The following MYCBPAP variants were observed in gnomAD, a reference collection of about 807,000 sequenced individuals.
The protein encoded by MYCBPAP is MYCBP-associated protein.
MYCBPAP carries 60 observed loss-of-function variants against 106.1 expected under a neutral mutation model. That is an observed-to-expected ratio of 0.57 (90% confidence interval 0.46 to 0.70). The LOEUF is 0.70. Among genes scored for constraint, MYCBPAP ranks in the 30% least tolerant of loss-of-function variants. The pLI is 0.00. For missense variants in MYCBPAP, 1,064 were observed against 1,169.3 expected, an observed-to-expected ratio of 0.91 and a Z score of 1.31; for synonymous variants, 407 against 440.6, an observed-to-expected ratio of 0.92 and a Z score of 0.95.
At chr17:50,517,849 T>C (rs2143932904) in intron 4 of MYCBPAP, 151 bp downstream of exon 4, 1 of 658,208 alleles carries the variant, frequency 1.5e-6, no homozygotes, top group East Asian at 2.7e-5. Flanking sequence ...CCCAGAATAG[T>C]TGGACACTTC....
chr17:50,527,329 T>C lies in MYCBPAP; in HGVS notation c.2212T>C (p.Leu738=), dbSNP rs771926159. 1 of 1,614,032 alleles carries C rather than the reference T, an allele frequency of 6.2e-7. No individual in the cohort carries two copies. Among genetic ancestry groups the C allele is most frequent in the Non-Finnish European group, 8.5e-7 (1 of 1,179,966 alleles). Residue 738 remains leucine (L), a synonymous_variant, in exon 15 of 19, where the codon TTG becomes CTG. Coordinates refer to ENST00000323776, the MANE Select transcript of MYCBPAP (RefSeq NM_032133.6). ...TGATGAGAACCACAGAGAGGATGCG[T>C]TGATGAGGCTCAACAAAGCAGCCCT... The part of the protein sequence containing the change: ...LPDENHREDA[L]MRLNKAALEL...
chr17:50,523,183 C>T lies in MYCBPAP; in HGVS notation c.1447+55C>T, dbSNP rs556795277. 6.5e-4 allele frequency: 1,005 copies of T among 1,554,214 alleles called. 16 individuals are homozygous for T. In the South Asian group the frequency reaches 0.011, roughly 17 times the overall value. On this transcript the variant is annotated intron_variant, in intron 11 of 18. Transcript: ENST00000323776. ...GCTCCTGTCTGGGGCTGGTTTTGTC[C>T]TCCGTGAGACATCAAAGTTTAGTTA...
rs983840346 is a variant in MYCBPAP, at chr17:50,528,238, A to G, written c.2375A>G (p.Glu792Gly). 13 of 1,613,912 alleles carry G rather than the reference A, an allele frequency of 8.1e-6. No homozygotes were observed. The highest frequency in any genetic ancestry group is 1.0e-5 in the Non-Finnish European group (12 of 1,179,996). The change falls in exon 16 of 19, where the codon GAG becomes GGG. Residue 792 changes from glutamate to glycine, a missense_variant. By Grantham distance (98) the Glu-to-Gly change is moderately conservative. Transcript: ENST00000323776. The part of the protein sequence containing the change: ...LRSVLGLPEK[E>G]TIYLNVPEEQ... Reference sequence around the variant, plus strand: ...TCTGTGCTGGGCCTGCCTGAGAAGGAGACCATCTATTTGAATGTGCCTGAA... The same window carrying G: ...TCTGTGCTGGGCCTGCCTGAGAAGGGGACCATCTATTTGAATGTGCCTGAA...
At position 50,519,702 on chromosome 17, in the gene MYCBPAP, G is replaced by A; in HGVS notation, c.831G>A (p.Leu277=). ...LEYLGDEMTG[L]VMTKTKTQRG... is the part of the protein sequence containing the mutation. ...ACTTGGGAGATGAGATGACAGGTCT[G>A]GTCATGACCAAGACAAAAACTCAGC... is the stretch of plus-strand genomic sequence containing the variant. The change falls in exon 7 of 19, where the codon CTG becomes CTA. Residue 277 remains leucine, a synonymous_variant. Transcript: ENST00000323776. The A allele has an allele frequency of 1.2e-6, 2 of 1,614,122 alleles. No homozygotes were observed.
intron 16 of MYCBPAP, 27 bp from the exon 17 acceptor site, chr17:50,528,668 A>C: frequency 6.2e-7 from 1 of 1,610,638 alleles, no homozygotes; most frequent in Non-Finnish European, 8.5e-7. Context: ...GGGGCCTGCC[A>C]TATTTTCTTC....
intron 5 of MYCBPAP, 71 bp downstream of exon 5, chr17:50,518,795 C>A: frequency 1.3e-6 from 2 of 1,540,832 alleles, no homozygotes; most frequent in Non-Finnish European, 8.8e-7. Flanking sequence ...TGTTTGCTCT[C>A]CTCCAGAGCC....
intron 17 of MYCBPAP, 23 bp from the exon 18 acceptor site, chr17:50,528,995 T>C: frequency 3.5e-5 from 56 of 1,610,456 alleles, no homozygotes; most frequent in Non-Finnish European, 4.8e-5. Context: ...CTGAAGGCTA[T>C]GTGTGTCTCC....
At chr17:50,527,433 C>A (rs1335361598) in intron 15 of MYCBPAP, 25 bp downstream of exon 15, 1 of 1,612,782 alleles carries the variant, frequency 6.2e-7, no homozygotes, top group Non-Finnish European at 8.5e-7. Flanking sequence ...AGGAGAGCTG[C>A]CCCATCTCCT....
intron 13 of MYCBPAP, among the ~76,000 whole-genome samples, chr17:50,525,486 T>C (rs2034426953): frequency 6.6e-6 from 1 of 152,150 alleles, no homozygotes; most frequent in Non-Finnish European, 1.5e-5. Flanking sequence ...CTATTTATTT[T>C]TGTTTATTTT....
intron 7 of MYCBPAP, among the ~76,000 whole-genome samples, chr17:50,520,794 A>G (rs2034228952): frequency 6.6e-6 from 1 of 152,208 alleles, no homozygotes; most frequent in Admixed American, 6.5e-5. Context: ...GGGTTGTGAT[A>G]GGGCTAAATG....
intron 1 of MYCBPAP, chr17:50,516,016 GTC>G (rs1175721752): frequency 2.0e-4 from 31 of 153,246 alleles, no homozygotes; most frequent in Non-Finnish European, 3.5e-4. Flanking sequence ...TTGAGACAGA[GTC>G]TCACTCTGTT....
At chr17:50,522,718 ATATATATT>A (rs1377373950) in intron 10 of MYCBPAP, 6 of 128,522 alleles carry the variant, frequency 4.7e-5, no homozygotes, top group Non-Finnish European at 9.5e-5. Flanking sequence ...AAATATATAT[ATATATATT>A]TGTTTTATCT....
At chr17:50,509,534 T>TCTGTG (rs1340756401) in intron 1 of MYCBPAP, 58 of 118,006 alleles carry the variant, frequency 4.9e-4, no homozygotes, top group African/African-American at 2.3e-4. Flanking sequence ...AGCTTTTTTT[T>TCTGTG]TCTGTGTGTG....
At chr17:50,517,204 C>T in intron 2 of MYCBPAP, 89 bp from the exon 3 acceptor site, 1 of 1,262,642 alleles carries the variant, frequency 7.9e-7, no homozygotes, top group African/African-American at 1.5e-5. Flanking sequence ...CCTTCAGGAA[C>T]TCCACCCAGA....
At chr17:50,522,707 A>AAAAAAAAAC (rs2034307971) in intron 10 of MYCBPAP, 1 of 32,780 alleles carries the variant, frequency 3.1e-5, no homozygotes, top group Non-Finnish European at 5.2e-5. Context: ...AAAAAAAAAA[A>AAAAAAAAAC]AAATATATAT....
At chr17:50,525,628 A>G (rs2034431051) in intron 13 of MYCBPAP, among the ~76,000 whole-genome samples, 1 of 147,244 alleles carries the variant, frequency 6.8e-6, no homozygotes, top group Non-Finnish European at 1.5e-5. Flanking sequence ...CTAGGACTAC[A>G]GGCATACATC....
At chr17:50,511,154 C>G (rs2033834625) in intron 1 of MYCBPAP, among the ~76,000 whole-genome samples, 7 of 151,820 alleles carry the variant, frequency 4.6e-5, no homozygotes, top group Admixed American at 3.9e-4. Flanking sequence ...CCCCAGCCCC[C>G]ATACAAGGCA....
At chr17:50,528,964 C>T in intron 17 of MYCBPAP, 54 bp from the exon 18 acceptor site, 1 of 1,600,436 alleles carries the variant, frequency 6.2e-7, no homozygotes, top group South Asian at 1.1e-5. Context: ...TGAGGACATC[C>T]TTGGCCTACC....
chr17:50,522,166 A>G, intron 10 of MYCBPAP, 85 bp downstream of exon 10: 1 of 1,098,226 alleles, frequency 9.1e-7, no homozygotes, highest in Non-Finnish European at 1.4e-6. Context: ...AGCAGCCTGC[A>G]CAGTCTCCTG....
Sources: gnomAD v4.1 joint callset for allele counts (sites outside exome capture counted in the v4.1 genomes callset) on GRCh38, gnomAD v4.1.1 for gene constraint, MANE v1.5 for transcripts, NCBI Gene and HGNC (gene_info 2026-07-23, HGNC 2026-07-21) for gene names.